PRTG: variants seen among roughly 807,000 people sequenced by gnomAD.
PRTG encodes immunoglobulin superfamily, DCC subclass, member 5.
A neutral mutation model predicts 122.5 loss-of-function variants in PRTG; 67 were observed. The observed-to-expected ratio is 0.55, with a 90% CI of 0.45 to 0.67. PRTG has a LOEUF of 0.67. Ranked by LOEUF, PRTG falls within the 30% of genes least tolerant of loss-of-function variation. The pLI is 0.00. For missense variants in PRTG, 1,435 were observed against 1,415.4 expected (o/e 1.01, Z -0.22); for synonymous variants, 554 against 501.1 (o/e 1.11, Z -1.41).
Position 55,703,116 on chromosome 15 carries a change from G to C in PRTG, c.398-19185C>G, listed in dbSNP as rs143269961. Among the ~76,000 whole-genome samples, 795 of 152,268 alleles carry C rather than the reference G, an allele frequency of 5.2e-3. 8 individuals are homozygous for C. The highest frequency in any genetic ancestry group is 0.018 in the African/African-American group (757 of 41,554). On this transcript the variant is annotated intron_variant, in intron 2 of 19. Coordinates refer to ENST00000389286, the MANE Select transcript of PRTG (RefSeq NM_173814.6). ...TTTCTAGAGTGGCTGCAGGTTCTTG[G>C]AATTCATATGTGACCAAGACTGCTG...
At chr15:55,624,246 T>C in intron 18 of PRTG, 96 bp downstream of exon 18, 2 of 1,046,442 alleles carry the variant, frequency 1.9e-6, no homozygotes, top group Non-Finnish European at 2.9e-6. Context: ...ATTGGTATAA[T>C]ACATTCAACA....
intron 2 of PRTG, among the ~76,000 whole-genome samples, chr15:55,687,062 T>C (rs2059574274): frequency 6.6e-6 from 1 of 152,228 alleles, no homozygotes; most frequent in South Asian, 2.1e-4. Flanking sequence ...CTTTGCAGGA[T>C]ACTGCAAGAC....
intron 2 of PRTG, among the ~76,000 whole-genome samples, chr15:55,697,765 C>T (rs1033072334): frequency 2.6e-5 from 4 of 152,230 alleles, no homozygotes; most frequent in African/African-American, 9.6e-5. Context: ...ACAGGGATTA[C>T]AGGCGTGAGC....
chr15:55,631,336 T>C (rs2059226480), intron 15 of PRTG, among the ~76,000 whole-genome samples: 1 of 152,226 alleles, frequency 6.6e-6, no homozygotes, highest in Admixed American at 6.5e-5. Context: ...TTCCATTTTA[T>C]GGTAAAATGC....
chr15:55,627,089 G>A lies in PRTG; in HGVS notation c.2846C>T (p.Thr949Ile). 1.2e-6 allele frequency: 2 copies of A among 1,608,468 alleles called. No individual in the cohort carries two copies. The highest frequency in any genetic ancestry group is 1.7e-6 in the Non-Finnish European group (2 of 1,175,522). ...TATGCCAACACCTACAGCAATGCCAGTCATTGATTTTTGGTCCAGATGGTA... is the reference window on the plus strand; with the variant it reads ...TATGCCAACACCTACAGCAATGCCAATCATTGATTTTTGGTCCAGATGGTA... ...GYYHLDQKSM[T>I]GIAVGVGIAL... Residue 949 changes from threonine (T) to isoleucine (I), a missense_variant, in exon 17 of 20, where the codon ACT (threonine) becomes ATT (isoleucine). Coordinates refer to ENST00000389286, the MANE Select transcript of PRTG (RefSeq NM_173814.6).
intron 17 of PRTG, among the ~76,000 whole-genome samples, 186 bp from the exon 18 acceptor site, chr15:55,624,693 C>G (rs1475418436): frequency 6.6e-6 from 1 of 152,184 alleles, no homozygotes; most frequent in Non-Finnish European, 1.5e-5. Flanking sequence ...GAAGAGGCAT[C>G]TTTATTTCTT....
chr15:55,679,221 T>G, intron 7 of PRTG, 65 bp downstream of exon 7: 1 of 1,057,908 alleles, frequency 9.5e-7, no homozygotes, highest in Non-Finnish European at 1.4e-6. Context: ...TTATAACCAT[T>G]TCACATAAAA....
At chr15:55,692,888 C>T (rs941259511) in intron 2 of PRTG, among the ~76,000 whole-genome samples, 2 of 144,232 alleles carry the variant, frequency 1.4e-5, no homozygotes, top group East Asian at 2.0e-4. Context: ...TTGCCCAGGC[C>T]GGAGTGCAGT....
intron 2 of PRTG, among the ~76,000 whole-genome samples, chr15:55,723,086 G>A (rs2030891780): frequency 6.6e-6 from 1 of 152,138 alleles, no homozygotes; most frequent in Admixed American, 6.6e-5. Flanking sequence ...CCAATGTGGT[G>A]CAGCCAACAA....
intron 2 of PRTG, among the ~76,000 whole-genome samples, chr15:55,703,940 G>A (rs74365454): frequency 0.07 from 10,674 of 152,222 alleles, 466 homozygotes; most frequent in Non-Finnish European, 0.1. Context: ...TATGCGACAT[G>A]CTAATGCATT....
At chr15:55,714,803 T>C (rs949768669) in intron 2 of PRTG, among the ~76,000 whole-genome samples, 1 of 152,144 alleles carries the variant, frequency 6.6e-6, no homozygotes, top group Non-Finnish European at 1.5e-5. Context: ...TAAATAAACA[T>C]AGCTTGATGT....
At chr15:55,734,741 C>T (rs535463696) in intron 2 of PRTG, among the ~76,000 whole-genome samples, 55 of 12,526 alleles carry the variant, frequency 4.4e-3, no homozygotes, top group Non-Finnish European at 0.011. Context: ...TTCTGAGAAC[C>T]AGAGGTTAAA....
chr15:55,659,709 T>C (rs181989710), intron 11 of PRTG, among the ~76,000 whole-genome samples: 4 of 152,198 alleles, frequency 2.6e-5, no homozygotes, highest in South Asian at 2.1e-4. Flanking sequence ...ACGGACTGCC[T>C]GAGCTCAGTA....
chr15:55,738,305 G>A, intron 2 of PRTG: 1 of 420,632 alleles, frequency 2.4e-6, no homozygotes. Context: ...CTGACATTTT[G>A]TTTGTTACAC....
intron 2 of PRTG, among the ~76,000 whole-genome samples, chr15:55,739,375 C>A (rs2031540217): frequency 6.6e-6 from 1 of 151,724 alleles, no homozygotes; most frequent in African/African-American, 2.4e-5. Flanking sequence ...GCTGGGATTA[C>A]AGGCTAGCCA....
At chr15:55,639,966 G>C (rs1352905334) in intron 12 of PRTG, 138 bp from the exon 13 acceptor site, 1 of 1,457,858 alleles carries the variant, frequency 6.9e-7, no homozygotes, top group East Asian at 2.5e-5. Context: ...TAGTGATCTA[G>C]AGATGTATCA....
In PRTG at chr15:55,735,258, T is replaced by C. The variant is rs1304946492; in HGVS notation, c.397+5124A>G. 2.0e-5 allele frequency among the ~76,000 whole-genome samples: 3 copies of C among 152,286 alleles called. No homozygotes were observed. The East Asian group carries it at 5.8e-4, about 29-fold the overall frequency. ...GACTTAACATTCTTTTTCATATAAA[T>C]GGTAATTATCAGTTTAAATGCTTTA... On this transcript the variant is annotated intron_variant, in intron 2 of 19. Coordinates refer to ENST00000389286, the MANE Select transcript of PRTG (RefSeq NM_173814.6).
At chr15:55,715,543 C>T (rs542306215) in intron 2 of PRTG, among the ~76,000 whole-genome samples, 35 of 152,256 alleles carry the variant, frequency 2.3e-4, no homozygotes, top group African/African-American at 3.9e-4. Flanking sequence ...CAAGCCCTAA[C>T]GGATACTTTA....
intron 10 of PRTG, among the ~76,000 whole-genome samples, 190 bp downstream of exon 10, chr15:55,673,181 T>C (rs1240821226): frequency 2.0e-5 from 3 of 152,224 alleles, no homozygotes; most frequent in Non-Finnish European, 2.9e-5. Flanking sequence ...CCAAAAAGTT[T>C]ACACACAAAT....
Sources: gnomAD v4.1 joint callset for allele counts (sites outside exome capture counted in the v4.1 genomes callset) on GRCh38, gnomAD v4.1.1 for gene constraint, MANE v1.5 for transcripts, NCBI Gene and HGNC (gene_info 2026-07-23, HGNC 2026-07-21) for gene names.